The following DIS3L2 variants were observed in gnomAD, a reference collection of about 807,000 sequenced individuals.
DIS3L2 encodes DIS3-like exonuclease 2.
DIS3L2 carries 34 observed loss-of-function variants against 97.5 expected under a neutral mutation model. That is an observed-to-expected ratio of 0.35 (90% CI 0.27 to 0.46). The LOEUF is 0.46. Among genes scored for constraint, DIS3L2 ranks in the 20% least tolerant of loss-of-function variants. DIS3L2 has a pLI of 1.00. For missense variants in DIS3L2, 1,038 were observed against 1,146.0 expected (o/e 0.91, Z 1.36); for synonymous variants, 435 against 445.2 (o/e 0.98, Z 0.29).
chr2:232,142,935 C>T (rs758398249), intron 8 of DIS3L2, among the ~76,000 whole-genome samples: 18 of 152,286 alleles, frequency 1.2e-4, no homozygotes, highest in Non-Finnish European at 2.2e-4. Flanking sequence ...GAGTTTCCAA[C>T]ATTGGACCAA....
chr2:232,210,897 G>A (rs1310797375), intron 10 of DIS3L2, among the ~76,000 whole-genome samples: 1 of 151,708 alleles, frequency 6.6e-6, no homozygotes, highest in African/African-American at 2.4e-5. Context: ...GGAGAAGCTT[G>A]GGCTACTCCC....
chr2:232,182,640 G>A (rs1451365802), intron 9 of DIS3L2, among the ~76,000 whole-genome samples: 1 of 152,028 alleles, frequency 6.6e-6, no homozygotes. Context: ...TTTTCTAGAT[G>A]GATTGAGCCT....
intron 13 of DIS3L2, among the ~76,000 whole-genome samples, chr2:232,290,397 TCCTTGCTGGGCTCACC>T: frequency 6.6e-6 from 1 of 152,302 alleles, no homozygotes; most frequent in East Asian, 1.9e-4. Flanking sequence ...GACGAGCTCT[TCCTTGCTGGGCTCACC>T]CAGTAATACA....
chr2:232,103,665 G>A (rs951776399), intron 6 of DIS3L2, among the ~76,000 whole-genome samples: 3 of 152,198 alleles, frequency 2.0e-5, no homozygotes, highest in Admixed American at 6.5e-5. Context: ...TCTTGTTTTC[G>A]TAACTTGGTA....
intron 5 of DIS3L2, among the ~76,000 whole-genome samples, chr2:232,067,961 A>G (rs1451994472): frequency 6.6e-6 from 1 of 152,178 alleles, no homozygotes; most frequent in Non-Finnish European, 1.5e-5. Flanking sequence ...TTGTGTGCTG[A>G]TATGAGAAAG....
At chr2:232,197,625 G>T (rs1194062899) in intron 9 of DIS3L2, among the ~76,000 whole-genome samples, 1 of 152,122 alleles carries the variant, frequency 6.6e-6, no homozygotes, top group African/African-American at 2.4e-5. Context: ...TTTGGGATAA[G>T]TTATTACTTT....
chr2:232,108,557 A>G (rs1010989301), intron 6 of DIS3L2, among the ~76,000 whole-genome samples: 2 of 152,238 alleles, frequency 1.3e-5, no homozygotes, highest in African/African-American at 2.4e-5. Context: ...GCCCAGGGCA[A>G]TCAGGCAAGA....
intron 5 of DIS3L2, among the ~76,000 whole-genome samples, chr2:232,060,865 C>A (rs1695685175): frequency 6.6e-6 from 1 of 151,978 alleles, no homozygotes; most frequent in Non-Finnish European, 1.5e-5. Flanking sequence ...TTGCAGATGT[C>A]TTTTATTTCT....
At chr2:232,157,870 G>A (rs998650573) in intron 8 of DIS3L2, among the ~76,000 whole-genome samples, 6 of 152,192 alleles carry the variant, frequency 3.9e-5, no homozygotes, top group East Asian at 1.9e-4. Flanking sequence ...GCACTGCAGC[G>A]ATGGGGACAT....
intron 1 of DIS3L2, among the ~76,000 whole-genome samples, chr2:231,991,218 A>G (rs545510724): frequency 6.6e-6 from 1 of 152,182 alleles, no homozygotes; most frequent in African/African-American, 2.4e-5. Context: ...AGTTTTCTTA[A>G]ATTCCGTAAT....
At chr2:232,140,988 A>G (rs573947544) in intron 8 of DIS3L2, among the ~76,000 whole-genome samples, 1 of 152,254 alleles carries the variant, frequency 6.6e-6, no homozygotes, top group African/African-American at 2.4e-5. Flanking sequence ...ATTACAACAT[A>G]TTTAGTACCT....
intron 16 of DIS3L2, 136 bp from the exon 17 acceptor site, chr2:232,333,704 C>T (rs916751676): frequency 2.6e-5 from 35 of 1,322,014 alleles, no homozygotes; most frequent in African/African-American, 1.3e-4. Flanking sequence ...TCCTCCCTGG[C>T]GTCACTCAGC....
rs1694284718 is a variant in DIS3L2, at chr2:232,281,563, C to A, written c.1659+18123C>A. On this transcript the variant is annotated intron_variant, in intron 13 of 20. Coordinates refer to ENST00000325385, the MANE Select transcript of DIS3L2 (RefSeq NM_152383.5). The surrounding 1 kb of genome is among the most constrained non-coding windows in gnomAD (Gnocchi z 4.1). ...GGTCAAGGTGTAGACATCAAGGAAGCCAGTTAGATGGCTGTGGCTGTATGC... is the reference window on the plus strand; with the variant it reads ...GGTCAAGGTGTAGACATCAAGGAAGACAGTTAGATGGCTGTGGCTGTATGC... Among the ~76,000 whole-genome samples the A allele has an allele frequency of 6.6e-6, 1 of 152,008 alleles. No homozygotes were observed. The highest frequency in any genetic ancestry group is 2.4e-5 in the African/African-American group (1 of 41,376).
chr2:232,246,988 G>T (rs1190828226), intron 11 of DIS3L2, among the ~76,000 whole-genome samples: 1 of 152,282 alleles, frequency 6.6e-6, no homozygotes, highest in Non-Finnish European at 1.5e-5. Context: ...TCTAGTTCTG[G>T]CCCAAGTTAT....
At chr2:232,166,087 TAAA>T (rs1271119101) in intron 9 of DIS3L2, among the ~76,000 whole-genome samples, 1 of 141,514 alleles carries the variant, frequency 7.1e-6, no homozygotes, top group Non-Finnish European at 1.5e-5. Flanking sequence ...AATAAATAAA[TAAA>T]TAAATAAATA....
intron 9 of DIS3L2, among the ~76,000 whole-genome samples, chr2:232,191,481 A>G (rs1211671556): frequency 6.6e-6 from 1 of 152,262 alleles, no homozygotes; most frequent in Non-Finnish European, 1.5e-5. Context: ...TGTGAAGCTC[A>G]TGAATTGGCT....
intron 5 of DIS3L2, among the ~76,000 whole-genome samples, chr2:232,074,939 A>G (rs114939290): frequency 2.6e-5 from 4 of 152,294 alleles, no homozygotes; most frequent in African/African-American, 7.2e-5. Context: ...GAGGAAGGCA[A>G]CAACATTTAG....
chr2:232,211,552 C>T (rs922866107), intron 10 of DIS3L2, among the ~76,000 whole-genome samples: 2 of 152,226 alleles, frequency 1.3e-5, no homozygotes, highest in African/African-American at 4.8e-5. Context: ...TTTGGTCATC[C>T]TCAGAGATGG....
intron 5 of DIS3L2, among the ~76,000 whole-genome samples, chr2:232,044,067 A>G (rs1695175473): frequency 6.6e-6 from 1 of 152,144 alleles, no homozygotes; most frequent in South Asian, 2.1e-4. Context: ...CAAGCTAGGG[A>G]TATAAAGTGG....
Sources: allele counts gnomAD v4.1 joint callset (sites outside exome capture counted in the v4.1 genomes callset), GRCh38; gene constraint gnomAD v4.1.1; non-coding constraint Gnocchi (gnomAD v3.1); transcripts MANE v1.5; gene names NCBI Gene and HGNC (gene_info 2026-07-23, HGNC 2026-07-21).